DOCK2: variants seen among roughly 807,000 people sequenced by gnomAD.
DOCK2 encodes the protein dedicator of cytokinesis 2, also known as dedicator of cytokinesis protein 2.
In DOCK2, 87 loss-of-function variants were observed where a neutral mutation model predicts 248.9. The ratio of observed to expected loss-of-function variants is 0.35; its 90% confidence interval spans 0.29 to 0.42. The LOEUF (loss-of-function observed/expected upper bound fraction) is 0.42, where lower values mean the gene tolerates loss of function less well. Among genes scored for constraint, DOCK2 ranks in the 10% least tolerant of loss-of-function variants. The probability of loss-of-function intolerance (pLI) is 1.00; values close to 1 mark genes in which losing one functional copy is unlikely to be tolerated. For missense variants in DOCK2, 1,747 were observed against 2,300.2 expected (o/e 0.76, Z 4.92); for synonymous variants, 805 against 821.6 (o/e 0.98, Z 0.35).
chr5:170,036,940 A>T (rs531156113), intron 36 of DOCK2, among the ~76,000 whole-genome samples: 1 of 152,304 alleles, frequency 6.6e-6, no homozygotes, highest in East Asian at 1.9e-4. Flanking sequence ...TTTGAAGGGA[A>T]AAAAAAGATA....
chr5:169,677,597 G>A (rs567518095), intron 6 of DOCK2, among the ~76,000 whole-genome samples: 131 of 152,244 alleles, frequency 8.6e-4, no homozygotes, highest in Admixed American at 1.7e-3. Flanking sequence ...GCCCTGTGAG[G>A]CATAAAACCC....
At chr5:169,960,586 AT>A (rs1777043101) in intron 27 of DOCK2, among the ~76,000 whole-genome samples, 1 of 152,218 alleles carries the variant, frequency 6.6e-6, no homozygotes, top group South Asian at 2.1e-4. Flanking sequence ...ATCACTTAAA[AT>A]GACCAATAAT....
At chr5:170,002,695 T>C (rs1247001343) in intron 30 of DOCK2, among the ~76,000 whole-genome samples, 17 of 152,238 alleles carry the variant, frequency 1.1e-4, no homozygotes, top group Admixed American at 1.1e-3. Flanking sequence ...ATCTGGACTT[T>C]ACTGTTTACC....
At chr5:170,046,122 G>A (rs1184846035) in intron 39 of DOCK2, among the ~76,000 whole-genome samples, 2 of 152,214 alleles carry the variant, frequency 1.3e-5, no homozygotes, top group Non-Finnish European at 2.9e-5. Context: ...TTCGGTGACA[G>A]CTCCTCAAAG....
At chr5:169,737,382 CTAGAAATTATCT>C (rs145588012) in intron 22 of DOCK2, among the ~76,000 whole-genome samples, 1 of 152,220 alleles carries the variant, frequency 6.6e-6, no homozygotes, top group East Asian at 1.9e-4. Context: ...GCCATGACCT[CTAGAAATTATCT>C]TAGGGAAATG....
chr5:169,758,530 A>G (rs1581148815), intron 23 of DOCK2, among the ~76,000 whole-genome samples: 1 of 152,336 alleles, frequency 6.6e-6, no homozygotes, highest in East Asian at 1.9e-4. Flanking sequence ...AGAGAGAGAG[A>G]GGGTTGCTAT....
Position 170,081,963 on chromosome 5 carries a change from C to A in DOCK2, c.5409C>A (p.Val1803=). The change falls in exon 51 of 52, where the codon GTC becomes GTA. Residue 1803 remains valine, a synonymous_variant. Coordinates refer to ENST00000520908, the MANE Select transcript of DOCK2 (RefSeq NM_004946.3). Reference sequence around the variant, plus strand: ...AGAAGACACTCACACGGAAGAAGGTCAATCAGTTCTTCAAGACAATGGTGA... The same window carrying A: ...AGAAGACACTCACACGGAAGAAGGTAAATCAGTTCTTCAAGACAATGGTGA... The part of the protein sequence containing the change: ...GDKKTLTRKK[V]NQFFKTMLAS... 1 of 1,613,988 alleles carries A rather than the reference C, an allele frequency of 6.2e-7. No individual in the cohort carries two copies. The highest frequency in any genetic ancestry group is 1.1e-5 in the South Asian group (1 of 91,048).
intron 19 of DOCK2, among the ~76,000 whole-genome samples, chr5:169,714,882 G>A (rs1453542544): frequency 6.6e-6 from 1 of 151,938 alleles, no homozygotes; most frequent in Non-Finnish European, 1.5e-5. Flanking sequence ...TCAATAAATG[G>A]TAATTATTAT....
At chr5:169,656,541 G>A (rs1243478830) in intron 2 of DOCK2, among the ~76,000 whole-genome samples, 1 of 152,086 alleles carries the variant, frequency 6.6e-6, no homozygotes, top group African/African-American at 2.4e-5. Flanking sequence ...TCAAACACCT[G>A]GCCCTAGGTG....
chr5:169,926,221 G>A (rs1581427369), intron 27 of DOCK2, among the ~76,000 whole-genome samples: 1 of 152,276 alleles, frequency 6.6e-6, no homozygotes, highest in East Asian at 1.9e-4. Context: ...CTGACTTGGG[G>A]ACCACGGGGA....
intron 1 of DOCK2, among the ~76,000 whole-genome samples, chr5:169,653,218 A>C (rs1757902288): frequency 6.6e-6 from 1 of 152,100 alleles, no homozygotes; most frequent in Non-Finnish European, 1.5e-5. Context: ...TCTTATTAGG[A>C]TCCACACTGA....
intron 27 of DOCK2, among the ~76,000 whole-genome samples, chr5:169,957,001 A>G (rs1216838212): frequency 6.6e-6 from 1 of 151,980 alleles, no homozygotes; most frequent in Admixed American, 6.6e-5. Context: ...GAGCAATACA[A>G]TGGTATCATT....
chr5:169,826,456 G>C (rs953387671), intron 26 of DOCK2, among the ~76,000 whole-genome samples: 1 of 152,084 alleles, frequency 6.6e-6, no homozygotes, highest in Non-Finnish European at 1.5e-5. Flanking sequence ...TTGGGGTAGG[G>C]CCTGGGAGAA....
At chr5:169,968,938 T>C (rs954068275) in intron 27 of DOCK2, among the ~76,000 whole-genome samples, 6 of 152,188 alleles carry the variant, frequency 3.9e-5, no homozygotes, top group Non-Finnish European at 8.8e-5. Flanking sequence ...CACTTGAGTC[T>C]AGGAGTTTGA....
chr5:169,660,611 C>G (rs1463485554), intron 2 of DOCK2, among the ~76,000 whole-genome samples: 2 of 152,200 alleles, frequency 1.3e-5, no homozygotes, highest in Non-Finnish European at 2.9e-5. Context: ...GAGGAGGGCA[C>G]ACCAAGAGCC....
intron 10 of DOCK2, among the ~76,000 whole-genome samples, chr5:169,697,197 G>A (rs1760686053): frequency 6.6e-6 from 1 of 152,162 alleles, no homozygotes; most frequent in Non-Finnish European, 1.5e-5. Context: ...TTCAGGCATA[G>A]CTGGATCCAG....
intron 29 of DOCK2, among the ~76,000 whole-genome samples, chr5:169,986,202 G>T (rs1468847206): frequency 6.6e-6 from 1 of 152,076 alleles, no homozygotes; most frequent in Non-Finnish European, 1.5e-5. Flanking sequence ...TCTTAGAAAA[G>T]CATTTTAAAA....
intron 8 of DOCK2, among the ~76,000 whole-genome samples, chr5:169,685,944 A>C (rs1485732915): frequency 3.9e-5 from 6 of 152,226 alleles, no homozygotes; most frequent in African/African-American, 1.2e-4. Context: ...GAGTTGTGTC[A>C]AATATTCTAA....
At chr5:169,646,207 C>T (rs1358580575) in intron 1 of DOCK2, among the ~76,000 whole-genome samples, 1 of 152,148 alleles carries the variant, frequency 6.6e-6, no homozygotes, top group African/African-American at 2.4e-5. Context: ...GATCCTTATT[C>T]CATTGCTTCT....
Sources: gnomAD v4.1 joint callset for allele counts (sites outside exome capture counted in the v4.1 genomes callset) on GRCh38, gnomAD v4.1.1 for gene constraint, MANE v1.5 for transcripts, NCBI Gene and HGNC (gene_info 2026-07-23, HGNC 2026-07-21) for gene names.